Variants in EPHB2 observed in about 807,000 individuals in gnomAD.
The protein encoded by EPHB2 is ephrin type-B receptor 2.
EPHB2 carries 18 observed loss-of-function variants against 96.4 expected under a neutral mutation model. The ratio of observed to expected loss-of-function variants is 0.19; its 90% CI spans 0.13 to 0.28. The LOEUF (loss-of-function observed/expected upper bound fraction) is 0.28, where lower values mean the gene tolerates loss of function less well. Ranked by LOEUF, EPHB2 falls within the 10% of genes least tolerant of loss-of-function variation. EPHB2 has a pLI of 1.00. For missense variants in EPHB2, 989 were observed against 1,355.4 expected, an observed-to-expected ratio of 0.73 and a Z score of 4.25; for synonymous variants, 506 against 534.1, an observed-to-expected ratio of 0.95 and a Z score of 0.72.
At chr1:22,732,148 G>C (rs1643731581) in intron 1 of EPHB2, among the ~76,000 whole-genome samples, 2 of 152,304 alleles carry the variant, frequency 1.3e-5, no homozygotes, top group South Asian at 2.1e-4. Flanking sequence ...CCCCTTATCT[G>C]TGCAGTGGGA....
intron 1 of EPHB2, among the ~76,000 whole-genome samples, chr1:22,721,031 G>A (rs537414076): frequency 9.2e-5 from 14 of 152,290 alleles, no homozygotes; most frequent in South Asian, 6.2e-4. Flanking sequence ...AGGCTGTGCC[G>A]AGGAGTAACT....
rs145802688 is a variant in EPHB2 at position 22,798,137 on chromosome 1, A to T, written c.811+13061A>T. 1.5e-3 allele frequency among the ~76,000 whole-genome samples: 225 copies of T among 152,274 alleles called. 2 individuals carry two copies. The highest frequency in any genetic ancestry group is 5.2e-3 in the African/African-American group (214 of 41,538). Reference sequence around the variant, plus strand: ...CACCATTGTATTTCCAGGTTCTAGGATGGTGCTGAGCTCACAGAAGGTTCT... The same window carrying T: ...CACCATTGTATTTCCAGGTTCTAGGTTGGTGCTGAGCTCACAGAAGGTTCT... On this transcript the variant is annotated intron_variant, in intron 3 of 15. Transcript: ENST00000374630.
intron 9 of EPHB2, among the ~76,000 whole-genome samples, chr1:22,903,859 TTCC>T (rs1416624333): frequency 6.6e-6 from 1 of 152,172 alleles, no homozygotes; most frequent in Non-Finnish European, 1.5e-5. Context: ...ATGTGTCCAT[TTCC>T]TCCTCCCAGG....
At chr1:22,737,040 T>G (rs1168303854) in intron 1 of EPHB2, among the ~76,000 whole-genome samples, 1 of 152,178 alleles carries the variant, frequency 6.6e-6, no homozygotes. Context: ...CGAGGAATCT[T>G]GGGCAAGTCA....
At chr1:22,795,962 A>T (rs1644761515) in intron 3 of EPHB2, among the ~76,000 whole-genome samples, 1 of 152,102 alleles carries the variant, frequency 6.6e-6, no homozygotes, top group Non-Finnish European at 1.5e-5. Context: ...AGGAGCTCAC[A>T]CTGAGGCTGG....
intron 3 of EPHB2, among the ~76,000 whole-genome samples, chr1:22,789,409 G>A (rs1398850660): frequency 1.3e-5 from 2 of 152,226 alleles, no homozygotes; most frequent in Non-Finnish European, 2.9e-5. Flanking sequence ...CATTCCTGGT[G>A]TGGGCAGTGA....
At position 22,784,872 on chromosome 1, in the gene EPHB2, A is replaced by G; in HGVS notation, c.607A>G (p.Asn203Asp). The G allele has an allele frequency of 6.2e-7, 1 of 1,613,460 alleles. No individual in the cohort carries two copies. Among genetic ancestry groups the G allele is most frequent in the Non-Finnish European group, 8.5e-7 (1 of 1,179,768 alleles). The change falls in exon 3 of 16, where the codon AAT becomes GAT. Residue 203 changes from asparagine (N) to aspartate (D), a missense_variant. Asn to Asp is a conservative substitution (Grantham distance 23, BLOSUM62 1). Coordinates refer to ENST00000374630, the MANE Select transcript of EPHB2 (RefSeq NM_017449.5). The surrounding 1 kb of genome is among the most constrained non-coding windows in gnomAD (Gnocchi z 5.1). ...CCGCAAGTGCCCCCGCATCATCCAG[A>G]ATGGCGCCATCTTCCAGGAAACCCT... is the stretch of plus-strand genomic sequence containing the variant. ...FYRKCPRIIQNGAIFQETLSG... is the reference protein window; with the variant it reads ...FYRKCPRIIQDGAIFQETLSG...
intron 5 of EPHB2, among the ~76,000 whole-genome samples, chr1:22,871,827 C>T: frequency 6.6e-6 from 1 of 152,040 alleles, no homozygotes; most frequent in Non-Finnish European, 1.5e-5. Flanking sequence ...ACCAGCCTGA[C>T]CAACATGGTG....
At chr1:22,853,690 C>T (rs1645657904) in intron 3 of EPHB2, among the ~76,000 whole-genome samples, 1 of 152,266 alleles carries the variant, frequency 6.6e-6, no homozygotes, top group Admixed American at 6.5e-5. Context: ...CCAAGCACAG[C>T]TTGTTCCAGG....
In EPHB2 at chr1:22,875,992, G is replaced by A. The variant is rs1429758538; in HGVS notation, c.1304-6367G>A. On this transcript the variant is annotated intron_variant, in intron 5 of 15. Coordinates refer to ENST00000374630, the MANE Select transcript of EPHB2 (RefSeq NM_017449.5). This position sits in a 1 kb window ranked among gnomAD's most constrained non-coding sequence, Gnocchi z 4.2. ...AAAGGCTGCCAGTGTGGACAGCTTG[G>A]GAGAGAGGGGGCAGGCAGAGGGAGG... 6.6e-6 allele frequency among the ~76,000 whole-genome samples: 1 copy of A among 152,150 alleles called. No homozygotes were observed. The highest frequency in any genetic ancestry group is 1.9e-4 in the East Asian group (1 of 5,176).
chr1:22,719,989 C>G lies in EPHB2; in HGVS notation c.61+8946C>G, dbSNP rs529867092. ...TCAGTTGGGATCACTCAGGAGGCTGCACTCAGCTAGGTTGGGCTGGAAATT... is the reference window on the plus strand; with the variant it reads ...TCAGTTGGGATCACTCAGGAGGCTGGACTCAGCTAGGTTGGGCTGGAAATT... On this transcript the variant is annotated intron_variant, in intron 1 of 15. Transcript: ENST00000374630. 2.0e-5 allele frequency among the ~76,000 whole-genome samples: 3 copies of G among 152,338 alleles called. No individual in the cohort carries two copies. In the East Asian group the frequency reaches 5.8e-4, roughly 29 times the overall value.
chr1:22,839,331 C>T (rs1351318050), intron 3 of EPHB2, among the ~76,000 whole-genome samples: 4 of 152,180 alleles, frequency 2.6e-5, no homozygotes, highest in African/African-American at 9.7e-5. Context: ...TTGGCCAGAA[C>T]GATCTGTTCT....
chr1:22,784,565 C>A lies in EPHB2; in HGVS notation c.300C>A (p.Ile100=). 6.2e-7 allele frequency: 1 copy of A among 1,614,178 alleles called. No homozygotes were observed. The highest frequency in any genetic ancestry group is 8.5e-7 in the Non-Finnish European group (1 of 1,180,032). ...MKFSVRDCSS[I]PSVPGSCKET... is the part of the protein sequence containing the mutation. Reference sequence around the variant, plus strand: ...TTTCGGTGCGTGACTGCAGCAGCATCCCCAGCGTGCCTGGCTCCTGCAAGG... The same window carrying A: ...TTTCGGTGCGTGACTGCAGCAGCATACCCAGCGTGCCTGGCTCCTGCAAGG... Residue 100 remains isoleucine (I), a synonymous_variant, in exon 3 of 16, where the codon ATC becomes ATA. Coordinates refer to ENST00000374630, the MANE Select transcript of EPHB2 (RefSeq NM_017449.5). This position sits in a 1 kb window ranked among gnomAD's most constrained non-coding sequence, Gnocchi z 5.1.
At chr1:22,855,831 G>A (rs1645689786) in intron 3 of EPHB2, among the ~76,000 whole-genome samples, 1 of 152,188 alleles carries the variant, frequency 6.6e-6, no homozygotes, top group African/African-American at 2.4e-5. Context: ...AGAGAGGTTA[G>A]GTAACTTGCT....
At chr1:22,845,364 C>T (rs996824887) in intron 3 of EPHB2, among the ~76,000 whole-genome samples, 17 of 152,222 alleles carry the variant, frequency 1.1e-4, no homozygotes, top group Non-Finnish European at 1.8e-4. Context: ...AACATTAGTT[C>T]TGGCCGCTTT....
At chr1:22,899,249 C>T (rs558340135) in intron 9 of EPHB2, among the ~76,000 whole-genome samples, 1 of 146,472 alleles carries the variant, frequency 6.8e-6, no homozygotes, top group South Asian at 2.2e-4. Flanking sequence ...CCCCTATAAT[C>T]CTAGAACTTT....
At chr1:22,748,295 G>T (rs1644006455) in intron 1 of EPHB2, among the ~76,000 whole-genome samples, 1 of 152,032 alleles carries the variant, frequency 6.6e-6, no homozygotes, top group Admixed American at 6.6e-5. Flanking sequence ...TTGGCTGCTG[G>T]GAAGCTCAGA....
chr1:22,763,926 A>T (rs1644270224), intron 1 of EPHB2, among the ~76,000 whole-genome samples: 1 of 151,962 alleles, frequency 6.6e-6, no homozygotes, highest in African/African-American at 2.4e-5. Context: ...TGTCATTCCC[A>T]CCTGGCTTCT....
At chr1:22,876,460 G>T (rs1638839095) in intron 5 of EPHB2, among the ~76,000 whole-genome samples, 1 of 152,118 alleles carries the variant, frequency 6.6e-6, no homozygotes, top group Non-Finnish European at 1.5e-5. Context: ...CCAAGGAAGG[G>T]GCTGAACTCC....
Sources: allele counts gnomAD v4.1 joint callset (sites outside exome capture counted in the v4.1 genomes callset), GRCh38; gene constraint gnomAD v4.1.1; non-coding constraint Gnocchi (gnomAD v3.1); transcripts MANE v1.5; gene names NCBI Gene and HGNC (gene_info 2026-07-23, HGNC 2026-07-21).